CCBE1: variants seen among roughly 807,000 people sequenced by gnomAD.
The protein encoded by CCBE1 is collagen and calcium-binding EGF domain-containing protein 1.
A neutral mutation model predicts 50.0 loss-of-function variants in CCBE1; 37 were observed. That is an observed-to-expected ratio of 0.74 (90% CI 0.57 to 0.97). The LOEUF (loss-of-function observed/expected upper bound fraction) is 0.97. Ranked by LOEUF, CCBE1 falls within the 50% of genes least tolerant of loss-of-function variation. CCBE1 has a pLI of 0.00. For synonymous variants in CCBE1, 234 were observed against 203.7 expected, an observed-to-expected ratio of 1.15 and a Z score of -1.27; for missense variants, 538 against 523.8, an observed-to-expected ratio of 1.03 and a Z score of -0.26.
At chr18:59,501,658 C>T (rs1913629092) in intron 2 of CCBE1, among the ~76,000 whole-genome samples, 1 of 152,172 alleles carries the variant, frequency 6.6e-6, no homozygotes, top group Admixed American at 6.5e-5. Flanking sequence ...ACTACCTGTG[C>T]TGGTCTCAGG....
chr18:59,609,166 T>C (rs188365008), intron 2 of CCBE1, among the ~76,000 whole-genome samples: 1 of 152,352 alleles, frequency 6.6e-6, no homozygotes, highest in East Asian at 1.9e-4. Flanking sequence ...TAGTGTTCTG[T>C]TGGGTTCTGT....
intron 2 of CCBE1, among the ~76,000 whole-genome samples, chr18:59,546,444 G>T (rs971668733): frequency 6.6e-6 from 1 of 152,320 alleles, no homozygotes; most frequent in East Asian, 1.9e-4. Flanking sequence ...CTTGATAAGG[G>T]TTTGTACAGT....
intron 2 of CCBE1, among the ~76,000 whole-genome samples, chr18:59,680,057 C>T (rs903726468): frequency 2.0e-5 from 3 of 151,906 alleles, no homozygotes; most frequent in Admixed American, 6.5e-5. Context: ...CCCGTCTCTA[C>T]TAAAAATACA....
intron 2 of CCBE1, among the ~76,000 whole-genome samples, chr18:59,660,569 A>G (rs1413799793): frequency 6.6e-6 from 1 of 152,178 alleles, no homozygotes; most frequent in East Asian, 1.9e-4. Context: ...TAAACAAACT[A>G]CTTGGACCAC....
chr18:59,604,010 T>A (rs1241540672), intron 2 of CCBE1, among the ~76,000 whole-genome samples: 1 of 152,224 alleles, frequency 6.6e-6, no homozygotes, highest in Admixed American at 6.5e-5. Context: ...ACTGATAGAA[T>A]CTTCTACTTT....
intron 2 of CCBE1, among the ~76,000 whole-genome samples, chr18:59,522,827 A>G (rs1030061376): frequency 6.6e-6 from 1 of 151,760 alleles, no homozygotes; most frequent in African/African-American, 2.4e-5. Flanking sequence ...GTCTCTACTA[A>G]GAAAAATACA....
intron 2 of CCBE1, among the ~76,000 whole-genome samples, chr18:59,545,602 T>C (rs1915650784): frequency 6.6e-6 from 1 of 152,236 alleles, no homozygotes; most frequent in Non-Finnish European, 1.5e-5. Context: ...TTACAAATAA[T>C]GAAATACCAA....
chr18:59,588,430 C>A (rs988601404), intron 2 of CCBE1, among the ~76,000 whole-genome samples: 4 of 152,148 alleles, frequency 2.6e-5, no homozygotes, highest in African/African-American at 9.7e-5. Flanking sequence ...GTAAATATTT[C>A]CAGCACTCTG....
rs182614945 is a variant in CCBE1 at position 59,669,111 on chromosome 18, C to T, written c.212+27518G>A. ...TCGGCCTCCCAAAGTGCTGGGATTA[C>T]AGACATAAGCCACCTTGCCCGGCCA... On this transcript the variant is annotated intron_variant, in intron 2 of 10. Coordinates refer to ENST00000439986, the MANE Select transcript of CCBE1 (RefSeq NM_133459.4). 2.2e-4 allele frequency among the ~76,000 whole-genome samples: 33 copies of T among 152,248 alleles called. 1 individual carries two copies. The East Asian group carries it at 5.0e-3, about 23-fold the overall frequency.
At chr18:59,550,409 G>A (rs1175736089) in intron 2 of CCBE1, among the ~76,000 whole-genome samples, 1 of 152,198 alleles carries the variant, frequency 6.6e-6, no homozygotes, top group Non-Finnish European at 1.5e-5. Context: ...CTGGCCTTTA[G>A]AGAGTTTTCT....
intron 2 of CCBE1, among the ~76,000 whole-genome samples, chr18:59,575,414 C>A (rs1272147759): frequency 6.6e-6 from 1 of 152,146 alleles, no homozygotes; most frequent in East Asian, 1.9e-4. Flanking sequence ...ATCCACAAAG[C>A]TGCCAGCCAG....
At chr18:59,496,614 A>T (rs555680713) in intron 2 of CCBE1, among the ~76,000 whole-genome samples, 7 of 152,286 alleles carry the variant, frequency 4.6e-5, no homozygotes, top group Non-Finnish European at 1.0e-4. Context: ...CTTCTGCCTA[A>T]TGGGACTGAA....
intron 2 of CCBE1, among the ~76,000 whole-genome samples, chr18:59,688,605 C>T (rs1412391123): frequency 6.6e-6 from 1 of 152,178 alleles, no homozygotes; most frequent in African/African-American, 2.4e-5. Flanking sequence ...GAAGGCTTGT[C>T]ATGGAAAGCC....
intron 3 of CCBE1, among the ~76,000 whole-genome samples, chr18:59,472,845 T>C (rs1228662827): frequency 1.3e-5 from 2 of 152,226 alleles, no homozygotes; most frequent in South Asian, 4.1e-4. Context: ...GGGGAGGCCT[T>C]ACAATCATGG....
intron 2 of CCBE1, among the ~76,000 whole-genome samples, chr18:59,652,889 G>C (rs1192073842): frequency 6.6e-6 from 1 of 152,160 alleles, no homozygotes; most frequent in East Asian, 1.9e-4. Context: ...GTGTGAACCT[G>C]GGAGGCGGAG....
intron 2 of CCBE1, among the ~76,000 whole-genome samples, chr18:59,485,811 C>T (rs899483779): frequency 4.0e-5 from 6 of 151,622 alleles, no homozygotes; most frequent in South Asian, 2.1e-4. Flanking sequence ...ATGTTGGCCA[C>T]GCTGGTCTCG....
intron 2 of CCBE1, among the ~76,000 whole-genome samples, chr18:59,570,679 C>CG (rs1360105530): frequency 6.6e-6 from 1 of 150,388 alleles, no homozygotes; most frequent in Non-Finnish European, 1.5e-5. Flanking sequence ...GATGTGCTGG[C>CG]GGGGGTGGGG....
chr18:59,543,789 C>T (rs767882905), intron 2 of CCBE1, among the ~76,000 whole-genome samples: 81 of 139,582 alleles, frequency 5.8e-4, no homozygotes, highest in Non-Finnish European at 1.1e-3. Context: ...GAGCCAAGAT[C>T]GCGCCACTGC....
chr18:59,464,120 T>A (rs929249028), intron 5 of CCBE1: 2 of 151,868 alleles, frequency 1.3e-5, no homozygotes, highest in African/African-American at 4.8e-5. Flanking sequence ...GGGACAAAAC[T>A]CAGTGATTTT....
Sources: gnomAD v4.1 joint callset for allele counts (sites outside exome capture counted in the v4.1 genomes callset) on GRCh38, gnomAD v4.1.1 for gene constraint, MANE v1.5 for transcripts, NCBI Gene and HGNC (gene_info 2026-07-23, HGNC 2026-07-21) for gene names.